HS3ST5: variants seen among roughly 807,000 people sequenced by gnomAD.
HS3ST5 encodes the protein heparan sulfate glucosamine 3-O-sulfotransferase 5.
In HS3ST5, 10 loss-of-function variants were observed where a neutral mutation model predicts 25.4. The observed-to-expected ratio is 0.39, with a 90% CI of 0.24 to 0.67. The LOEUF is 0.67. Ranked by LOEUF, HS3ST5 falls within the 30% of genes least tolerant of loss-of-function variation. The pLI, the probability that HS3ST5 is intolerant of heterozygous loss-of-function variation, is 0.44. For missense variants in HS3ST5, 324 were observed against 420.7 expected (o/e 0.77, Z 2.01); for synonymous variants, 170 against 162.4 (o/e 1.05, Z -0.36).
intron 1 of HS3ST5, among the ~76,000 whole-genome samples, chr6:114,339,091 T>C (rs1396132007): frequency 6.6e-6 from 1 of 152,046 alleles, no homozygotes; most frequent in East Asian, 1.9e-4. Context: ...ATTGCAATCA[T>C]CTCAGAATAT....
intron 1 of HS3ST5, among the ~76,000 whole-genome samples, chr6:114,326,278 T>C (rs1776171683): frequency 6.6e-6 from 1 of 152,092 alleles, no homozygotes; most frequent in African/African-American, 2.4e-5. Flanking sequence ...TAATCCCAGC[T>C]ACTTGGGTGG....
At chr6:114,297,960 G>C (rs1321347694) in intron 1 of HS3ST5, among the ~76,000 whole-genome samples, 1 of 152,146 alleles carries the variant, frequency 6.6e-6, no homozygotes, top group Non-Finnish European at 1.5e-5. Flanking sequence ...TAATATAATT[G>C]TTTTAAAAGT....
intron 3 of HS3ST5, among the ~76,000 whole-genome samples, chr6:114,088,723 C>G (rs1480992366): frequency 1.3e-5 from 2 of 152,024 alleles, no homozygotes; most frequent in African/African-American, 4.8e-5. Flanking sequence ...AGGCTATATA[C>G]AGATATGTGT....
At chr6:114,084,910 C>T (rs995471724) in intron 3 of HS3ST5, 2 of 499,446 alleles carry the variant, frequency 4.0e-6, no homozygotes, top group Admixed American at 6.2e-5. Flanking sequence ...CGGCTCACTG[C>T]AACCTCTGCC....
intron 3 of HS3ST5, among the ~76,000 whole-genome samples, chr6:114,119,778 C>T (rs551991325): frequency 1.3e-5 from 2 of 152,242 alleles, no homozygotes; most frequent in Non-Finnish European, 2.9e-5. Flanking sequence ...AAATGTTTAT[C>T]GAGTAACTAC....
At chr6:114,144,888 G>A (rs562965117) in intron 3 of HS3ST5, among the ~76,000 whole-genome samples, 26 of 152,318 alleles carry the variant, frequency 1.7e-4, no homozygotes, top group Non-Finnish European at 3.7e-4. Context: ...TTCAGTAAAC[G>A]TTTATGTCTG....
intron 2 of HS3ST5, among the ~76,000 whole-genome samples, chr6:114,176,836 G>A (rs1246636230): frequency 6.6e-6 from 1 of 152,134 alleles, no homozygotes; most frequent in African/African-American, 2.4e-5. Flanking sequence ...CTTTTATGTG[G>A]CCTTAGCTTA....
chr6:114,248,216 A>AT lies in HS3ST5; in HGVS notation c.-338-19439_-338-19438insA, dbSNP rs1562251791. 1.1e-4 allele frequency among the ~76,000 whole-genome samples: 16 copies of AT among 140,946 alleles called. No homozygotes were observed. In the East Asian group the frequency reaches 1.7e-3, roughly 15 times the overall value. The allele number at this position is 140,946 out of a possible 152,430, so 92.5% of individuals were successfully genotyped here. On this transcript the variant is annotated intron_variant, in intron 1 of 4. Coordinates refer to ENST00000312719, the MANE Select transcript of HS3ST5 (RefSeq NM_153612.4). ...ATTCCATCTCAAAAAATGAAAAAAA[A>AT]AATATATATATATATATATATAAAA...
chr6:114,295,198 A>T lies in HS3ST5; in HGVS notation c.-339+46997T>A, dbSNP rs572657428. ...ATTTAATAAGGTAAAATATATTTAC[A>T]GAAAATAAGGGGAAAAATAAATTTG... On this transcript the variant is annotated intron_variant, in intron 1 of 4. Coordinates refer to ENST00000312719, the MANE Select transcript of HS3ST5 (RefSeq NM_153612.4). Among the ~76,000 whole-genome samples, 3 of 152,378 alleles carry T rather than the reference A, an allele frequency of 2.0e-5. No individual in the cohort carries two copies. The East Asian group carries it at 5.8e-4, about 29-fold the overall frequency.
chr6:114,274,019 G>A (rs1773744818), intron 1 of HS3ST5, among the ~76,000 whole-genome samples: 1 of 152,002 alleles, frequency 6.6e-6, no homozygotes, highest in Admixed American at 6.6e-5. Context: ...ACATTTTGAT[G>A]GTGTAACATG....
intron 2 of HS3ST5, among the ~76,000 whole-genome samples, chr6:114,172,706 A>G (rs767759999): frequency 2.0e-5 from 3 of 152,232 alleles, no homozygotes; most frequent in Non-Finnish European, 2.9e-5. Flanking sequence ...TCTGCATTTC[A>G]TCTGTCAGAC....
At position 114,062,777 on chromosome 6, in the gene HS3ST5, ACT is replaced by A; in HGVS notation, c.67_68del (p.Leu24ProfsTer12). 1 of 1,613,822 alleles carries A rather than the reference ACT, an allele frequency of 6.2e-7. No individual in the cohort carries two copies. Among genetic ancestry groups the A allele is most frequent in the Non-Finnish European group, 8.5e-7 (1 of 1,179,892 alleles). On this transcript the variant is annotated frameshift_variant, in exon 4 of 5. Coordinates refer to ENST00000312719, the MANE Select transcript of HS3ST5 (RefSeq NM_153612.4). LOFTEE classifies it high-confidence loss of function. ...LLVLGSLAVG[S>X]LLYLVARVGS... The stretch of plus-strand genomic sequence containing the variant: ...CAACTCTGGCGACTAGATACAGGAG[ACT>A]CCCAACGGCAAGGCTTCCCAGCACC...
intron 2 of HS3ST5, among the ~76,000 whole-genome samples, chr6:114,210,415 G>A (rs1781461297): frequency 6.6e-6 from 1 of 152,132 alleles, no homozygotes; most frequent in African/African-American, 2.4e-5. Flanking sequence ...TGAAAAAAAT[G>A]GACAAGAAAA....
chr6:114,161,564 T>C (rs1778970197), intron 3 of HS3ST5, among the ~76,000 whole-genome samples: 1 of 95,798 alleles, frequency 1.0e-5, no homozygotes, highest in African/African-American at 4.0e-5. Context: ...TATATATATA[T>C]ATATATATAT....
intron 3 of HS3ST5, among the ~76,000 whole-genome samples, chr6:114,098,447 A>G (rs1775555149): frequency 6.7e-6 from 1 of 149,646 alleles, no homozygotes; most frequent in South Asian, 2.1e-4. Flanking sequence ...AATATTGTCT[A>G]TATTTTCAGA....
intron 3 of HS3ST5, among the ~76,000 whole-genome samples, chr6:114,086,401 G>A (rs1774827683): frequency 6.6e-6 from 1 of 152,198 alleles, no homozygotes; most frequent in Admixed American, 6.5e-5. Context: ...TCTAGGAGCT[G>A]TGACCCCTAG....
intron 2 of HS3ST5, among the ~76,000 whole-genome samples, chr6:114,215,605 T>C (rs538678219): frequency 6.6e-6 from 1 of 152,202 alleles, no homozygotes; most frequent in African/African-American, 2.4e-5. Flanking sequence ...GCCTTTTGTA[T>C]GTTGTCATAC....
At chr6:114,317,460 A>G (rs544344929) in intron 1 of HS3ST5, among the ~76,000 whole-genome samples, 1 of 152,352 alleles carries the variant, frequency 6.6e-6, no homozygotes, top group Non-Finnish European at 1.5e-5. Flanking sequence ...ATTCTATAAC[A>G]GTCTTAAAAT....
In HS3ST5 at chr6:114,233,852, A is replaced by G. The variant is rs183497942; in HGVS notation, c.-338-5074T>C. Among the ~76,000 whole-genome samples, 173 of 152,340 alleles carry G rather than the reference A, an allele frequency of 1.1e-3. 1 individual carries two copies. Among genetic ancestry groups the G allele is most frequent in the Middle Eastern group, 6.8e-3 (2 of 294 alleles). On this transcript the variant is annotated intron_variant, in intron 1 of 4. Coordinates refer to ENST00000312719, the MANE Select transcript of HS3ST5 (RefSeq NM_153612.4). ...TAGGTATGAAATTCTAGCCTATTTT[A>G]TATACTAATATCATTCCAAATAAGA...
Sources: gnomAD v4.1 joint callset for allele counts (sites outside exome capture counted in the v4.1 genomes callset) on GRCh38, gnomAD v4.1.1 for gene constraint, MANE v1.5 for transcripts, NCBI Gene and HGNC (gene_info 2026-07-23, HGNC 2026-07-21) for gene names.